The following SPOCK1 variants were observed in gnomAD, a reference collection of about 807,000 sequenced individuals.
The protein encoded by SPOCK1 is SPARC (osteonectin), cwcv and kazal like domains proteoglycan 1, also known as testican-1.
In SPOCK1, 23 loss-of-function variants were observed where a neutral mutation model predicts 55.3. The observed-to-expected ratio is 0.42, with a 90% CI of 0.30 to 0.59. The LOEUF (loss-of-function observed/expected upper bound fraction) is 0.59. Ranked by LOEUF, SPOCK1 falls within the 20% of genes least tolerant of loss-of-function variation. The pLI is 0.22. For missense variants in SPOCK1, 499 were observed against 552.5 expected (o/e 0.90, Z 0.97); for synonymous variants, 226 against 221.0 (o/e 1.02, Z -0.20).
chr5:137,292,580 G>T (rs1023859736), intron 2 of SPOCK1, among the ~76,000 whole-genome samples: 1 of 151,768 alleles, frequency 6.6e-6, no homozygotes, highest in African/African-American at 2.4e-5. Context: ...TTAGAACGAA[G>T]CCCTTCCCAG....
chr5:137,097,021 G>A lies in SPOCK1; in HGVS notation c.474+15414C>T, dbSNP rs189783779. On this transcript the variant is annotated intron_variant, in intron 5 of 10. Coordinates refer to ENST00000394945, the MANE Select transcript of SPOCK1 (RefSeq NM_004598.4). ...GGTTTTTCAGTAGCACCCATCTTTC[G>A]AGACTGGCATGAGAATTATGTAATG... Among the ~76,000 whole-genome samples, 14 of 152,328 alleles carry A rather than the reference G, an allele frequency of 9.2e-5. No homozygotes were observed. The East Asian group carries it at 2.1e-3, about 23-fold the overall frequency.
chr5:137,194,839 G>A (rs980029571), intron 3 of SPOCK1, among the ~76,000 whole-genome samples: 3 of 152,116 alleles, frequency 2.0e-5, no homozygotes, highest in South Asian at 2.1e-4. Flanking sequence ...GCCCTGAGCC[G>A]GCAGCTACAA....
chr5:137,182,122 AC>A (rs1337521801), intron 3 of SPOCK1, among the ~76,000 whole-genome samples: 1 of 152,138 alleles, frequency 6.6e-6, no homozygotes, highest in Non-Finnish European at 1.5e-5. Flanking sequence ...CAATCGTGCC[AC>A]TTTTTTGCCC....
At chr5:137,395,781 G>A (rs972071348) in intron 2 of SPOCK1, among the ~76,000 whole-genome samples, 37 of 152,198 alleles carry the variant, frequency 2.4e-4, no homozygotes, top group Admixed American at 2.2e-3. Flanking sequence ...GAGGAGGTAA[G>A]CTCAGCGGGC....
rs1040379172 is a variant in SPOCK1, at chr5:137,020,203, A to C, written c.590-27603T>G. 2.0e-5 allele frequency among the ~76,000 whole-genome samples: 3 copies of C among 151,874 alleles called. No individual in the cohort carries two copies. The East Asian group carries it at 5.8e-4, about 29-fold the overall frequency. On this transcript the variant is annotated intron_variant, in intron 6 of 10. Transcript: ENST00000394945. ...TAAATTATAACAGAATGAAAAAAAA[A>C]CCCCATCTGATTGCTGTTACCAGAC... is the stretch of plus-strand genomic sequence containing the variant.
intron 6 of SPOCK1, among the ~76,000 whole-genome samples, chr5:137,024,322 G>GGGGGGGGA: frequency 6.9e-6 from 1 of 144,312 alleles, no homozygotes; most frequent in African/African-American, 2.6e-5. Context: ...GAAGGGGGGG[G>GGGGGGGGA]GGTAGTTACA....
At chr5:137,160,611 TATA>T (rs1754526569) in intron 3 of SPOCK1, among the ~76,000 whole-genome samples, 1 of 83,186 alleles carries the variant, frequency 1.2e-5, no homozygotes, top group Non-Finnish European at 2.2e-5. Context: ...ATATATAATA[TATA>T]ATATATATTT....
intron 3 of SPOCK1, among the ~76,000 whole-genome samples, chr5:137,209,937 T>C (rs1203715744): frequency 1.3e-5 from 2 of 152,250 alleles, no homozygotes; most frequent in Non-Finnish European, 2.9e-5. Flanking sequence ...GTGCTCTCAA[T>C]GTTCCACCAT....
In SPOCK1 at chr5:137,197,389, C is replaced by T. The variant is rs114998430; in HGVS notation, c.233-56695G>A. Among the ~76,000 whole-genome samples, 489 of 152,256 alleles carry T rather than the reference C, an allele frequency of 3.2e-3. 2 individuals carry two copies. Among genetic ancestry groups the T allele is most frequent in the African/African-American group, 0.011 (476 of 41,544 alleles). On this transcript the variant is annotated intron_variant, in intron 3 of 10. Coordinates refer to ENST00000394945, the MANE Select transcript of SPOCK1 (RefSeq NM_004598.4). ...GGAAGCAGAACTATGAATTCCAGCT[C>T]TGCAGTGCACTGGCTATGTGACCGT...
intron 2 of SPOCK1, among the ~76,000 whole-genome samples, chr5:137,297,854 G>A (rs1321881513): frequency 1.3e-5 from 2 of 152,152 alleles, no homozygotes; most frequent in Admixed American, 1.3e-4. Flanking sequence ...AAAATGATAG[G>A]AGAAAGTACA....
At chr5:137,069,828 T>A (rs1752577940) in intron 5 of SPOCK1, among the ~76,000 whole-genome samples, 2 of 152,252 alleles carry the variant, frequency 1.3e-5, no homozygotes, top group Admixed American at 1.3e-4. Context: ...TATTTTTATG[T>A]GTCCATTTGT....
intron 3 of SPOCK1, among the ~76,000 whole-genome samples, chr5:137,156,860 C>G (rs1331425374): frequency 6.6e-6 from 1 of 152,110 alleles, no homozygotes; most frequent in African/African-American, 2.4e-5. Flanking sequence ...CCTCCTGCAC[C>G]AGAGGCCATG....
At chr5:137,465,066 TG>T (rs1463760714) in intron 2 of SPOCK1, among the ~76,000 whole-genome samples, 2 of 151,206 alleles carry the variant, frequency 1.3e-5, no homozygotes, top group African/African-American at 4.9e-5. Context: ...AGGAAGGGAG[TG>T]CCAGATAACA....
chr5:137,128,664 C>T (rs1205679361), intron 4 of SPOCK1, among the ~76,000 whole-genome samples: 10 of 152,216 alleles, frequency 6.6e-5, no homozygotes, highest in African/African-American at 1.7e-4. Flanking sequence ...CCAGCTGTGC[C>T]ATTTAACAGG....
At chr5:137,317,330 T>G (rs1029232877) in intron 2 of SPOCK1, among the ~76,000 whole-genome samples, 1 of 152,208 alleles carries the variant, frequency 6.6e-6, no homozygotes, top group Non-Finnish European at 1.5e-5. Flanking sequence ...TCCTTCCATC[T>G]CCTGGCCATG....
chr5:137,460,456 GC>G (rs2149837198), intron 2 of SPOCK1, among the ~76,000 whole-genome samples: 1 of 152,268 alleles, frequency 6.6e-6, no homozygotes, highest in East Asian at 1.9e-4. Context: ...AAGGAGTAAA[GC>G]TCAGCAGCCG....
chr5:137,016,710 T>G (rs1157060521), intron 6 of SPOCK1, among the ~76,000 whole-genome samples: 1 of 152,156 alleles, frequency 6.6e-6, no homozygotes, highest in African/African-American at 2.4e-5. Flanking sequence ...CAACCCAACT[T>G]AGAGTTTGAG....
intron 3 of SPOCK1, among the ~76,000 whole-genome samples, chr5:137,165,072 A>G (rs974178521): frequency 6.6e-6 from 1 of 152,184 alleles, no homozygotes; most frequent in Non-Finnish European, 1.5e-5. Context: ...TTGAGCAAAC[A>G]TAAGCCATAG....
At chr5:137,159,365 C>T (rs750643983) in intron 3 of SPOCK1, among the ~76,000 whole-genome samples, 6 of 152,096 alleles carry the variant, frequency 3.9e-5, no homozygotes, top group Non-Finnish European at 8.8e-5. Context: ...CCAAGTAAAG[C>T]TAATTAGGAT....
Sources: allele counts gnomAD v4.1 joint callset (sites outside exome capture counted in the v4.1 genomes callset), GRCh38; gene constraint gnomAD v4.1.1; transcripts MANE v1.5; gene names NCBI Gene and HGNC (gene_info 2026-07-23, HGNC 2026-07-21).